The following SPRY3 variants were observed in gnomAD, a reference collection of about 807,000 sequenced individuals.
The protein encoded by SPRY3 is sprouty RTK signaling antagonist 3.
A neutral mutation model predicts 20.2 loss-of-function variants in SPRY3; 15 were observed. That is an observed-to-expected ratio of 0.74 (90% confidence interval 0.50 to 1.14). SPRY3 has a LOEUF of 1.14. Ranked by LOEUF, SPRY3 falls within the 50% of genes most tolerant of loss-of-function variation. SPRY3 has a pLI of 0.00. For missense variants in SPRY3, 364 were observed against 363.9 expected, an observed-to-expected ratio of 1.00 and a Z score of 0.00; for synonymous variants, 143 against 136.5, an observed-to-expected ratio of 1.05 and a Z score of -0.33.
At chrX:155,774,288 C>G in exon 4 of SPRY3, 1 of 1,614,040 alleles carries the variant, frequency 6.2e-7, no homozygotes, top group Non-Finnish European at 8.5e-7. Context: ...CTGCAGGGCA[C>G]CCTAGTGAGC....
In SPRY3 at chrX:155,704,277, A is replaced by C. The variant is rs1460046860; in HGVS notation, c.-282+47252A>C. Among the ~76,000 whole-genome samples the C allele has an allele frequency of 5.3e-5, 8 of 152,004 alleles. No individual in the cohort carries two copies. The South Asian group carries it at 1.7e-3, about 32-fold the overall frequency. ...TTCCACCAGAAAAAGTGGACAACACACAAGATAGATGGGTAATTTCTGCAG... is the reference window on the plus strand; with the variant it reads ...TTCCACCAGAAAAAGTGGACAACACCCAAGATAGATGGGTAATTTCTGCAG... On this transcript the variant is annotated intron_variant, in intron 2 of 3. Transcript: ENST00000675360.
chrX:155,766,826 T>C (rs17149478), intron 2 of SPRY3, among the ~76,000 whole-genome samples: 5,172 of 152,166 alleles, frequency 0.034, 166 homozygotes, highest in African/African-American at 0.087. Flanking sequence ...ATATTTGTTG[T>C]TGAATGCATG....
intron 1 of SPRY3, among the ~76,000 whole-genome samples, chrX:155,641,744 C>A (rs1209868210): frequency 8.7e-6 from 1 of 115,072 alleles, no homozygotes; most frequent in Admixed American, 9.1e-5. Context: ...GACAGGATCT[C>A]ACAGGATTTT....
intron 2 of SPRY3, among the ~76,000 whole-genome samples, chrX:155,757,052 T>C (rs1407945968): frequency 2.6e-5 from 4 of 152,148 alleles, no homozygotes; most frequent in African/African-American, 9.7e-5. Flanking sequence ...AGAGAGATCT[T>C]TTTAAAATCA....
chrX:155,693,895 T>G (rs910308338), intron 2 of SPRY3, among the ~76,000 whole-genome samples: 10 of 104,280 alleles, frequency 9.6e-5, no homozygotes, highest in African/African-American at 3.5e-4. Context: ...CTCCAACTCG[T>G]GGGCTCAAGT....
intron 2 of SPRY3, among the ~76,000 whole-genome samples, chrX:155,722,742 T>TA (rs1004545894): frequency 1.3e-5 from 2 of 151,684 alleles, no homozygotes; most frequent in South Asian, 2.1e-4. Context: ...GCTGAATGGA[T>TA]AAAAAAAGTA....
At chrX:155,704,690 CT>C (rs1413220187) in intron 2 of SPRY3, among the ~76,000 whole-genome samples, 1 of 151,416 alleles carries the variant, frequency 6.6e-6, no homozygotes, top group Non-Finnish European at 1.5e-5. Flanking sequence ...CCAAACATGA[CT>C]TTTTAAAAAC....
chrX:155,618,479 A>G (rs2067861131), intron 1 of SPRY3, among the ~76,000 whole-genome samples: 1 of 111,828 alleles, frequency 8.9e-6, no homozygotes, highest in Non-Finnish European at 1.9e-5. Flanking sequence ...TGAAGCTTCT[A>G]TGAGCATTCT....
chrX:155,750,348 G>C (rs2091256054), intron 2 of SPRY3, among the ~76,000 whole-genome samples: 1 of 151,564 alleles, frequency 6.6e-6, no homozygotes, highest in Non-Finnish European at 1.5e-5. Context: ...CTGGGTGACG[G>C]GATCAGTTGT....
rs199700165 is a variant in SPRY3, at chrX:155,682,518, AT to A, written c.-282+25500del. ...GGTACAAAGACTTTCAAGCCTTGTTATTTTTTTAAAAACATTTTTTGAGGCA... is the reference window on the plus strand; with the variant it reads ...GGTACAAAGACTTTCAAGCCTTGTTATTTTTTAAAAACATTTTTTGAGGCA... On this transcript the variant is annotated intron_variant, in intron 2 of 3. Coordinates refer to ENST00000675360, the Ensembl canonical transcript of SPRY3. Among the ~76,000 whole-genome samples, 74 of 111,382 alleles carry A rather than the reference AT, an allele frequency of 6.6e-4. No individual in the cohort carries two copies. The East Asian group carries it at 0.021, about 31-fold the overall frequency.
chrX:155,618,653 G>A (rs946038987), intron 1 of SPRY3, among the ~76,000 whole-genome samples: 4 of 111,724 alleles, frequency 3.6e-5, no homozygotes, highest in Admixed American at 1.9e-4. Flanking sequence ...CACTGTCAAT[G>A]TATGAAAGAT....
chrX:155,692,179 CAG>C (rs2068104459), intron 2 of SPRY3, among the ~76,000 whole-genome samples: 2 of 109,051 alleles, frequency 1.8e-5, no homozygotes, highest in Admixed American at 9.7e-5. Context: ...TAAATGGGTA[CAG>C]CTTTATATTT....
intron 1 of SPRY3, among the ~76,000 whole-genome samples, chrX:155,628,740 T>C (rs1557350185): frequency 8.9e-6 from 1 of 112,139 alleles, no homozygotes; most frequent in Non-Finnish European, 1.9e-5. Flanking sequence ...GTTAGTATAC[T>C]AATTTACCTT....
intron 2 of SPRY3, among the ~76,000 whole-genome samples, chrX:155,760,204 T>A (rs1253889574): frequency 2.0e-5 from 3 of 152,182 alleles, no homozygotes; most frequent in Non-Finnish European, 4.4e-5. Flanking sequence ...ATTACTTACA[T>A]TATCTCAAGT....
At chrX:155,638,477 A>G in intron 1 of SPRY3, among the ~76,000 whole-genome samples, 1 of 103,231 alleles carries the variant, frequency 9.7e-6, no homozygotes, top group Non-Finnish European at 2.0e-5. Context: ...CTGTTTCTGA[A>G]CTCTCCATCC....
At chrX:155,719,240 C>T (rs182380964) in intron 2 of SPRY3, among the ~76,000 whole-genome samples, 58 of 152,142 alleles carry the variant, frequency 3.8e-4, no homozygotes, top group Non-Finnish European at 7.1e-4. Context: ...TCAAACTCAG[C>T]TGATGCCCGC....
In SPRY3 at chrX:155,617,645, T is replaced by G. The variant is rs782148998; in HGVS notation, c.-441+4998T>G. Among the ~76,000 whole-genome samples the G allele has an allele frequency of 4.5e-5, 5 of 111,675 alleles. No homozygotes were observed. The South Asian group carries it at 1.9e-3, about 42-fold the overall frequency. ...GCAAGGCATTAGAGAAGACAATCTG[T>G]GCAGATGTTGGGACGGGTAAACATA... On this transcript the variant is annotated intron_variant, in intron 1 of 3. Coordinates refer to ENST00000675360, the Ensembl canonical transcript of SPRY3.
chrX:155,612,680 G>A (rs1278176077), intron 1 of SPRY3, 33 bp downstream of exon 1: 1 of 112,697 alleles, frequency 8.9e-6, no homozygotes, highest in African/African-American at 3.2e-5. Context: ...CCAGCAGCCC[G>A]GGTGAGAGCC....
chrX:155,707,245 A>G (rs1470765241), intron 2 of SPRY3, among the ~76,000 whole-genome samples: 1 of 151,182 alleles, frequency 6.6e-6, no homozygotes, highest in African/African-American at 2.4e-5. Flanking sequence ...TCTTTTATTT[A>G]TGGATCGTTT....
Sources: gnomAD v4.1 joint callset for allele counts (sites outside exome capture counted in the v4.1 genomes callset) on GRCh38, gnomAD v4.1.1 for gene constraint, MANE v1.5 for transcripts, NCBI Gene and HGNC (gene_info 2026-07-23, HGNC 2026-07-21) for gene names.